The following PRKG1 variants were observed in gnomAD, a reference collection of about 807,000 sequenced individuals.
The protein encoded by PRKG1 is protein kinase cGMP-dependent 1.
In PRKG1, 35 loss-of-function variants were observed where a neutral mutation model predicts 88.1. The observed-to-expected ratio is 0.40, with a 90% confidence interval of 0.30 to 0.53. PRKG1 has a LOEUF of 0.53. Ranked by LOEUF, PRKG1 falls within the 20% of genes least tolerant of loss-of-function variation. The pLI, the probability that PRKG1 is intolerant of heterozygous loss-of-function variation, is 0.59. For synonymous variants in PRKG1, 303 were observed against 292.5 expected, an observed-to-expected ratio of 1.04 and a Z score of -0.37; for missense variants, 540 against 839.8, an observed-to-expected ratio of 0.64 and a Z score of 4.41.
At chr10:51,733,550 G>GT (rs1239851185) in intron 3 of PRKG1, among the ~76,000 whole-genome samples, 1 of 152,160 alleles carries the variant, frequency 6.6e-6, no homozygotes, top group Non-Finnish European at 1.5e-5. Flanking sequence ...AAGCAAGTAA[G>GT]TGATCACTTG....
intron 2 of PRKG1, among the ~76,000 whole-genome samples, chr10:51,357,063 A>G (rs1315053008): frequency 1.3e-5 from 2 of 151,994 alleles, no homozygotes; most frequent in Non-Finnish European, 2.9e-5. Context: ...AGTGGCTGGA[A>G]ATGGCAGGAG....
chr10:52,025,259 T>C (rs1269379031), intron 5 of PRKG1, among the ~76,000 whole-genome samples: 5 of 152,232 alleles, frequency 3.3e-5, no homozygotes, highest in Non-Finnish European at 7.3e-5. Context: ...GCAAAAATTT[T>C]CTCCCATTCT....
chr10:51,324,145 T>C (rs1841523333), intron 2 of PRKG1, among the ~76,000 whole-genome samples: 1 of 152,146 alleles, frequency 6.6e-6, no homozygotes. Flanking sequence ...TACAACAAAT[T>C]ATTATTAACT....
intron 4 of PRKG1, among the ~76,000 whole-genome samples, chr10:51,873,270 G>C (rs1191501661): frequency 6.6e-6 from 1 of 151,846 alleles, no homozygotes; most frequent in Non-Finnish European, 1.5e-5. Flanking sequence ...CTATAATTAT[G>C]GGATTCATGG....
intron 1 of PRKG1, among the ~76,000 whole-genome samples, chr10:51,098,478 C>A (rs1052240924): frequency 2.0e-5 from 3 of 152,090 alleles, no homozygotes; most frequent in African/African-American, 7.2e-5. Flanking sequence ...TGCAATGGAG[C>A]AAAGTGAATT....
chr10:52,014,733 G>GTAA lies in PRKG1; in HGVS notation c.763-39751_763-39750insTAA, dbSNP rs1564429979. Reference sequence around the variant, plus strand: ...CTAGTTACTCCCAAGATATAATGGGGGTACAGGCATTGGATAAATGTTTCT... The same window carrying GTAA: ...CTAGTTACTCCCAAGATATAATGGGGTAAGTACAGGCATTGGATAAATGTTTCT... On this transcript the variant is annotated intron_variant, in intron 5 of 17. Coordinates refer to ENST00000373980, the MANE Select transcript of PRKG1 (RefSeq NM_006258.4). Among the ~76,000 whole-genome samples, 4 of 152,062 alleles carry GTAA rather than the reference G, an allele frequency of 2.6e-5. No homozygotes were observed. In the East Asian group the frequency reaches 7.7e-4, roughly 29 times the overall value.
intron 9 of PRKG1, among the ~76,000 whole-genome samples, chr10:52,201,317 T>G (rs187000884): frequency 1.2e-4 from 19 of 152,344 alleles, no homozygotes; most frequent in Admixed American, 9.2e-4. Context: ...TAGAGTCCTT[T>G]CTCCATTGAT....
At chr10:51,465,156 G>A (rs1839867974) in intron 2 of PRKG1, among the ~76,000 whole-genome samples, 1 of 152,042 alleles carries the variant, frequency 6.6e-6, no homozygotes, top group East Asian at 1.9e-4. Flanking sequence ...TTCCTATGGG[G>A]CGAATATCTT....
intron 2 of PRKG1, among the ~76,000 whole-genome samples, chr10:51,396,579 G>T (rs1380477625): frequency 2.6e-5 from 4 of 152,114 alleles, no homozygotes; most frequent in African/African-American, 9.7e-5. Context: ...TAGCGCTGTG[G>T]ACCACTGAGT....
chr10:51,363,701 CTT>C (rs1375013283), intron 2 of PRKG1, among the ~76,000 whole-genome samples: 1 of 151,760 alleles, frequency 6.6e-6, no homozygotes, highest in East Asian at 2.0e-4. Flanking sequence ...AGTCGTGAGT[CTT>C]TTCACCATGA....
At chr10:52,248,705 C>T (rs1428871148) in intron 9 of PRKG1, among the ~76,000 whole-genome samples, 3 of 151,282 alleles carry the variant, frequency 2.0e-5, no homozygotes, top group Admixed American at 6.6e-5. Flanking sequence ...AAAATTTCTA[C>T]CATTTAAGAT....
chr10:51,881,898 C>T (rs1203780821), intron 4 of PRKG1, among the ~76,000 whole-genome samples: 2 of 152,236 alleles, frequency 1.3e-5, no homozygotes, highest in South Asian at 2.1e-4. Context: ...TCTTAAGTGG[C>T]AAGACCAGGC....
At chr10:51,951,982 T>C (rs983406442) in intron 5 of PRKG1, among the ~76,000 whole-genome samples, 1 of 152,230 alleles carries the variant, frequency 6.6e-6, no homozygotes, top group Non-Finnish European at 1.5e-5. Flanking sequence ...AAAGGTGTTA[T>C]TGGAACCTTG....
intron 3 of PRKG1, among the ~76,000 whole-genome samples, chr10:51,744,516 A>G: frequency 6.6e-6 from 1 of 152,170 alleles, no homozygotes; most frequent in East Asian, 1.9e-4. Context: ...CTATTTTACC[A>G]AAATTTTCTC....
chr10:51,031,030 G>T (rs536812846), intron 1 of PRKG1, among the ~76,000 whole-genome samples: 2 of 152,202 alleles, frequency 1.3e-5, no homozygotes, highest in Admixed American at 1.3e-4. Context: ...ATGGAGAAAG[G>T]ACTCAAGAGG....
intron 7 of PRKG1, among the ~76,000 whole-genome samples, chr10:52,074,763 A>C (rs1846589283): frequency 6.6e-6 from 1 of 152,204 alleles, no homozygotes. Context: ...CTGTCATTAC[A>C]CTAATCACTT....
At chr10:51,192,141 A>T (rs78198201) in intron 2 of PRKG1, among the ~76,000 whole-genome samples, 1 of 144,264 alleles carries the variant, frequency 6.9e-6, no homozygotes, top group Admixed American at 6.9e-5. Flanking sequence ...GTACTTCATT[A>T]AAAAAAAAAA....
chr10:52,237,846 G>A (rs1840729959), intron 9 of PRKG1, among the ~76,000 whole-genome samples: 1 of 142,796 alleles, frequency 7.0e-6, no homozygotes. Context: ...AACCAAAAAA[G>A]AGCCCGCATC....
intron 7 of PRKG1, among the ~76,000 whole-genome samples, chr10:52,067,940 C>T (rs906417428): frequency 5.7e-5 from 6 of 104,998 alleles, no homozygotes; most frequent in African/African-American, 1.6e-4. Context: ...CGCAGTGGCT[C>T]ACGCCTGTAA....
Sources: allele counts gnomAD v4.1 joint callset (sites outside exome capture counted in the v4.1 genomes callset), GRCh38; gene constraint gnomAD v4.1.1; transcripts MANE v1.5; gene names NCBI Gene and HGNC (gene_info 2026-07-23, HGNC 2026-07-21).